The following NALCN variants were observed in gnomAD, a reference collection of about 807,000 sequenced individuals.
NALCN encodes the protein sodium leak channel, non-selective.
A neutral mutation model predicts 225.3 loss-of-function variants in NALCN; 111 were observed. The observed-to-expected ratio is 0.49, with a 90% CI of 0.42 to 0.58. The LOEUF is 0.58. NALCN is among the 20% of genes least tolerant of loss of function. NALCN has a pLI of 0.00. For missense variants in NALCN, 1,378 were observed against 2,202.4 expected (o/e 0.63, Z 7.49); for synonymous variants, 764 against 769.0 (o/e 0.99, Z 0.11).
intron 6 of NALCN, among the ~76,000 whole-genome samples, chr13:101,346,511 C>T (rs2045743153): frequency 6.6e-6 from 1 of 151,992 alleles, no homozygotes; most frequent in African/African-American, 2.4e-5. Context: ...TGGAAGGTGT[C>T]TAGTTTAGAA....
At chr13:101,417,023 C>A (rs1176233950), upstream of NALCN, among the ~76,000 whole-genome samples, 11 of 152,102 alleles carry the variant, frequency 7.2e-5, no homozygotes. Context: ...AATAGGTTGA[C>A]GTTCGCCTTT....
At chr13:101,327,205 T>C (rs1566579824) in intron 7 of NALCN, among the ~76,000 whole-genome samples, 2 of 152,232 alleles carry the variant, frequency 1.3e-5, no homozygotes, top group Non-Finnish European at 2.9e-5. Flanking sequence ...CAGTGGGTTA[T>C]TTAAACATTA....
intron 14 of NALCN, among the ~76,000 whole-genome samples, chr13:101,188,603 T>G (rs1285802670): frequency 6.6e-6 from 1 of 151,040 alleles, no homozygotes; most frequent in African/African-American, 2.4e-5. Flanking sequence ...CACACATATA[T>G]ATACATATAT....
chr13:101,374,427 G>T (rs566278525), intron 6 of NALCN, among the ~76,000 whole-genome samples: 8 of 151,866 alleles, frequency 5.3e-5, no homozygotes, highest in Non-Finnish European at 8.8e-5. Context: ...TGGCATTACA[G>T]GTGCCTGTGC....
chr13:101,286,934 T>G (rs2043361289), intron 9 of NALCN, among the ~76,000 whole-genome samples: 1 of 151,974 alleles, frequency 6.6e-6, no homozygotes, highest in Admixed American at 6.6e-5. Context: ...TCTTTTTTTG[T>G]ACTAATATGT....
At chr13:101,403,989 G>T (rs991259955) in intron 1 of NALCN, among the ~76,000 whole-genome samples, 1 of 152,214 alleles carries the variant, frequency 6.6e-6, no homozygotes, top group East Asian at 1.9e-4. Flanking sequence ...TAATTGTTTT[G>T]TTTTTTGACT....
chr13:101,114,760 C>A (rs7323029), intron 18 of NALCN, among the ~76,000 whole-genome samples: 34,657 of 152,090 alleles, frequency 0.23, 4,168 homozygotes, highest in African/African-American at 0.25. Context: ...GTAATTTGTC[C>A]TGCAGCAATA....
At chr13:101,405,271 C>T (rs2047584624) in intron 1 of NALCN, among the ~76,000 whole-genome samples, 1 of 152,200 alleles carries the variant, frequency 6.6e-6, no homozygotes. Context: ...TTGCTAAGTT[C>T]CTTCTCAGAC....
intron 1 of NALCN, among the ~76,000 whole-genome samples, chr13:101,415,490 C>CA (rs1337557283): frequency 6.6e-6 from 1 of 152,086 alleles, no homozygotes; most frequent in African/African-American, 2.4e-5. Context: ...TAAGGTATTT[C>CA]AAGCACTAAG....
At chr13:101,364,791 C>T (rs1324414974) in intron 6 of NALCN, among the ~76,000 whole-genome samples, 2 of 152,016 alleles carry the variant, frequency 1.3e-5, no homozygotes, top group Non-Finnish European at 2.9e-5. Flanking sequence ...TGCCAATTGC[C>T]CTGATTTGAT....
In NALCN at chr13:101,193,811, T is replaced by C. The variant is rs1476896718; in HGVS notation, c.1627-1757A>G. ...TTTTTTTTCTCTTGAATATTTATTG[T>C]ATCCAAAGGTGAGGAACACGAATTC... On this transcript the variant is annotated intron_variant, in intron 13 of 43. Transcript: ENST00000251127. Among the ~76,000 whole-genome samples the C allele has an allele frequency of 3.3e-5, 5 of 152,206 alleles. No individual in the cohort carries two copies. The East Asian group carries it at 9.6e-4, about 29-fold the overall frequency.
intron 10 of NALCN, among the ~76,000 whole-genome samples, chr13:101,278,481 C>G (rs2043035982): frequency 6.9e-6 from 1 of 144,236 alleles, no homozygotes; most frequent in Non-Finnish European, 1.5e-5. Flanking sequence ...CAAGATTGTG[C>G]CACTGGATTC....
At chr13:101,365,267 A>AAC (rs2046350619) in intron 6 of NALCN, among the ~76,000 whole-genome samples, 1 of 152,210 alleles carries the variant, frequency 6.6e-6, no homozygotes, top group Non-Finnish European at 1.5e-5. Flanking sequence ...CTCAGTGTTT[A>AAC]GCTCTCATTC....
Position 101,338,704 on chromosome 13 carries a change from C to T in NALCN, c.799+6562G>A, listed in dbSNP as rs74383944. Among the ~76,000 whole-genome samples, 32 of 152,310 alleles carry T rather than the reference C, an allele frequency of 2.1e-4. 2 individuals carry two copies. The East Asian group carries it at 5.4e-3, about 26-fold the overall frequency. ...TGGCACATCACCTCTGTTTGGATAA[C>T]GGTCTTCCCCATCAGCATTTCACTA... On this transcript the variant is annotated intron_variant, in intron 7 of 43. Coordinates refer to ENST00000251127, the MANE Select transcript of NALCN (RefSeq NM_052867.4).
Position 101,249,415 on chromosome 13 carries a change from T to C in NALCN, c.1266+9028A>G, listed in dbSNP as rs2140186966. ...GAAGAGAAAAAGAGAAAAATATGTC[T>C]ATTCCATTTGTGAAAGGAAGTGTAA... is the stretch of plus-strand genomic sequence containing the variant. On this transcript the variant is annotated intron_variant, in intron 11 of 43. Coordinates refer to ENST00000251127, the MANE Select transcript of NALCN (RefSeq NM_052867.4). 2.6e-5 allele frequency among the ~76,000 whole-genome samples: 4 copies of C among 152,308 alleles called. No homozygotes were observed. The South Asian group carries it at 8.3e-4, about 32-fold the overall frequency.
At position 101,104,742 on chromosome 13, in the gene NALCN, T is replaced by C. The variant is rs1172672444; in HGVS notation, c.2637-92A>G. The C allele has an allele frequency of 6.4e-7, 1 of 1,573,692 alleles. No homozygotes were observed. Among genetic ancestry groups the C allele is most frequent in the African/African-American group, 1.4e-5 (1 of 73,380 alleles). On this transcript the variant is annotated intron_variant, in intron 23 of 43. Transcript: ENST00000251127. The surrounding 1 kb of genome is among the most constrained non-coding windows in gnomAD (Gnocchi z 4.2). ...GATGGCTTCTGTGGCTCTATCAACA[T>C]GACTGGTATTTTAAAAACATCATTC...
At chr13:101,396,377 C>A (rs2047293734) in intron 2 of NALCN, among the ~76,000 whole-genome samples, 1 of 151,984 alleles carries the variant, frequency 6.6e-6, no homozygotes, top group South Asian at 2.1e-4. Flanking sequence ...TATTGACTAT[C>A]TGGGACATAT....
rs544775419 is a variant in NALCN, at chr13:101,243,877, C to T, written c.1267-5955G>A. On this transcript the variant is annotated intron_variant, in intron 11 of 43. Transcript: ENST00000251127. ...TCTGCGGGAAATGAAAGGCTCTCTG[C>T]CCTGAGCAGTGGCCTCAGGGGACCA... 4.8e-5 allele frequency among the ~76,000 whole-genome samples: 5 copies of T among 105,192 alleles called. 2 individuals are homozygous for T. In the South Asian group the frequency reaches 1.6e-3, roughly 34 times the overall value. The allele number at this position is 105,192 out of a possible 152,430, so 69.0% of individuals were successfully genotyped here.
rs546340462 is a variant in NALCN at position 101,195,970 on chromosome 13, TAATC to T, written c.1627-3920_1627-3917del. 2.8e-3 allele frequency among the ~76,000 whole-genome samples: 419 copies of T among 152,336 alleles called. 2 individuals are homozygous for T. The highest frequency in any genetic ancestry group is 5.4e-3 in the South Asian group (26 of 4,832). Reference sequence around the variant, plus strand: ...TCATCCGTGCTTCTCAGCAGGTTGATAATCAATATGTTGATAGTCAATGTTTCCT... The same window carrying T: ...TCATCCGTGCTTCTCAGCAGGTTGATAATATGTTGATAGTCAATGTTTCCT... On this transcript the variant is annotated intron_variant, in intron 13 of 43. Transcript: ENST00000251127.
Sources: gnomAD v4.1 joint callset for allele counts (sites outside exome capture counted in the v4.1 genomes callset) on GRCh38, gnomAD v4.1.1 for gene constraint, Gnocchi (gnomAD v3.1) non-coding constraint, MANE v1.5 for transcripts, NCBI Gene and HGNC (gene_info 2026-07-23, HGNC 2026-07-21) for gene names.